The following EHMT1 variants were observed in gnomAD, a reference collection of about 807,000 sequenced individuals.
EHMT1 encodes the protein histone-lysine N-methyltransferase EHMT1.
A neutral mutation model predicts 147.2 loss-of-function variants in EHMT1; 15 were observed. The observed-to-expected ratio is 0.10, with a 90% CI of 0.07 to 0.16. The LOEUF (loss-of-function observed/expected upper bound fraction) is 0.16, where lower values mean the gene tolerates loss of function less well. EHMT1 is among the 10% of genes least tolerant of loss of function. The probability of loss-of-function intolerance (pLI) is 1.00; values close to 1 mark genes in which losing one functional copy is unlikely to be tolerated. For synonymous variants in EHMT1, 795 were observed against 709.6 expected, an observed-to-expected ratio of 1.12 and a Z score of -1.91; for missense variants, 1,587 against 1,772.4, an observed-to-expected ratio of 0.90 and a Z score of 1.88.
Position 137,835,970 on chromosome 9 carries a change from GT to G in EHMT1, c.*1025del, listed in dbSNP as rs201292825. 1.9e-3 allele frequency: 291 copies of G among 152,322 alleles called. 1 individual carries two copies. Among genetic ancestry groups the G allele is most frequent in the Middle Eastern group, 0.01 (3 of 294 alleles). The allele number at this position is 152,322 out of a possible 1,614,324, so 9.4% of individuals were successfully genotyped here. ...CTGTAATTAGTGCAGTAACAGTGGGGTTTTTTTTGTGCAACTCTTCTAAAAA... is the reference window on the plus strand; with the variant it reads ...CTGTAATTAGTGCAGTAACAGTGGGGTTTTTTTGTGCAACTCTTCTAAAAA... On this transcript the variant is annotated 3_prime_UTR_variant, in exon 27 of 27. Coordinates refer to ENST00000460843, the MANE Select transcript of EHMT1 (RefSeq NM_024757.5).
At chr9:137,741,138 G>C (rs557984877) in intron 4 of EHMT1, among the ~76,000 whole-genome samples, 1 of 152,040 alleles carries the variant, frequency 6.6e-6, no homozygotes, top group East Asian at 1.9e-4. Context: ...CACCTTGGCC[G>C]GCTAATTTTT....
intron 3 of EHMT1, among the ~76,000 whole-genome samples, chr9:137,722,234 A>G (rs908244601): frequency 5.9e-5 from 9 of 152,172 alleles, no homozygotes; most frequent in African/African-American, 9.7e-5. Context: ...TTGTCATCCT[A>G]TTACATTCCT....
intron 14 of EHMT1, among the ~76,000 whole-genome samples, chr9:137,781,825 T>C (rs2136879509): frequency 6.6e-6 from 1 of 152,364 alleles, no homozygotes; most frequent in African/African-American, 2.4e-5. Context: ...CATTTTGTCA[T>C]GGACTTCACA....
intron 1 of EHMT1, among the ~76,000 whole-genome samples, chr9:137,671,705 T>A (rs1223145737): frequency 1.3e-5 from 2 of 151,918 alleles, no homozygotes; most frequent in Non-Finnish European, 2.9e-5. Flanking sequence ...TTTGGGTATG[T>A]TTTGTAGAGA....
chr9:137,624,157 C>T (rs1393072239), intron 1 of EHMT1, among the ~76,000 whole-genome samples: 3 of 151,578 alleles, frequency 2.0e-5, no homozygotes, highest in Non-Finnish European at 4.4e-5. Flanking sequence ...TGTACCATCA[C>T]GCCCAGATAA....
chr9:137,631,519 T>TC (rs1253498220), intron 1 of EHMT1, among the ~76,000 whole-genome samples: 1 of 152,224 alleles, frequency 6.6e-6, no homozygotes, highest in Non-Finnish European at 1.5e-5. Flanking sequence ...GAATATACAG[T>TC]CATGTGGCAC....
At chr9:137,747,561 TATTTA>T (rs1236163611) in intron 6 of EHMT1, 1 of 152,252 alleles carries the variant, frequency 6.6e-6, no homozygotes, top group African/African-American at 2.4e-5. Context: ...AGAAATAGAT[TATTTA>T]AAGACCAGGA....
chr9:137,633,416 A>G (rs1355027636), intron 1 of EHMT1, among the ~76,000 whole-genome samples: 4 of 151,976 alleles, frequency 2.6e-5, no homozygotes, highest in Admixed American at 2.0e-4. Flanking sequence ...AATGTTCCCC[A>G]TCATAAAAAT....
intron 1 of EHMT1, among the ~76,000 whole-genome samples, chr9:137,693,047 G>A (rs1035641277): frequency 6.6e-6 from 1 of 152,196 alleles, no homozygotes; most frequent in African/African-American, 2.4e-5. Context: ...CACAGCAGAG[G>A]TTTTCAGCAT....
At chr9:137,817,718 A>T (rs1955033815) in intron 24 of EHMT1, 193 bp downstream of exon 24, 1 of 715,722 alleles carries the variant, frequency 1.4e-6, no homozygotes, top group Non-Finnish European at 2.4e-6. Flanking sequence ...TGCTGCCCGT[A>T]ACCAGCCCAG....
intron 25 of EHMT1, among the ~76,000 whole-genome samples, chr9:137,829,862 C>T (rs1200810339): frequency 1.3e-5 from 2 of 152,242 alleles, no homozygotes; most frequent in African/African-American, 2.4e-5. Flanking sequence ...TTATGGCCAC[C>T]TCGACTGGCC....
intron 23 of EHMT1, 153 bp from the exon 24 acceptor site, chr9:137,817,286 G>GT (rs1954995659): frequency 1.2e-6 from 1 of 825,704 alleles, no homozygotes; most frequent in Non-Finnish European, 2.0e-6. Flanking sequence ...GCGAGATGCC[G>GT]TGTCTGTGAG....
rs777427133 is a variant in EHMT1, at chr9:137,775,580, G to C, written c.1791+328G>C. On this transcript the variant is annotated intron_variant, in intron 11 of 26. Coordinates refer to ENST00000460843, the MANE Select transcript of EHMT1 (RefSeq NM_024757.5). This position sits in a 1 kb window ranked among gnomAD's most constrained non-coding sequence, Gnocchi z 6.1. ...GAAGGTGTCTAAGGCACTGGGGCTC[G>C]AGAGCAGTGGTGAGGGGCTTGTGAC... 6.6e-6 allele frequency among the ~76,000 whole-genome samples: 1 copy of C among 151,914 alleles called. No individual in the cohort carries two copies. Among genetic ancestry groups the C allele is most frequent in the African/African-American group, 2.4e-5 (1 of 41,406 alleles).
intron 10 of EHMT1, among the ~76,000 whole-genome samples, chr9:137,766,749 G>T (rs1013675577): frequency 1.3e-5 from 2 of 152,154 alleles, no homozygotes; most frequent in African/African-American, 4.8e-5. Context: ...CTTTTAGTCT[G>T]TCTCTGTCTT....
At chr9:137,703,061 T>TGG (rs1943970069) in intron 1 of EHMT1, among the ~76,000 whole-genome samples, 1 of 152,226 alleles carries the variant, frequency 6.6e-6, no homozygotes, top group Admixed American at 6.5e-5. Flanking sequence ...TTGCACCCTT[T>TGG]GGGTCAGTGT....
chr9:137,661,397 A>C (rs1939060921), intron 1 of EHMT1, among the ~76,000 whole-genome samples: 1 of 151,808 alleles, frequency 6.6e-6, no homozygotes, highest in Non-Finnish European at 1.5e-5. Context: ...TTTTTATTGG[A>C]GTAAGGAAAT....
At chr9:137,688,732 T>C (rs1161449176) in intron 1 of EHMT1, among the ~76,000 whole-genome samples, 1 of 152,244 alleles carries the variant, frequency 6.6e-6, no homozygotes, top group Non-Finnish European at 1.5e-5. Context: ...TTGTGTATTC[T>C]CATGCACACG....
rs1228486062 is a variant in EHMT1 at position 137,835,221 on chromosome 9, G to A, written c.*268G>A. 5.5e-6 allele frequency: 2 copies of A among 364,418 alleles called. No individual in the cohort carries two copies. Among genetic ancestry groups the A allele is most frequent in the East Asian group, 4.7e-5 (1 of 21,352 alleles). 22.6% of individuals were successfully genotyped at this position (364,418 alleles called of 1,614,324 possible). On this transcript the variant is annotated 3_prime_UTR_variant, in exon 27 of 27. Coordinates refer to ENST00000460843, the MANE Select transcript of EHMT1 (RefSeq NM_024757.5). The stretch of plus-strand genomic sequence containing the variant: ...CGCGCGCCAGAGACGCTGGGAGTCC[G>A]CACTGGCATCACCTTCTGAGTTTCT...
intron 1 of EHMT1, among the ~76,000 whole-genome samples, chr9:137,624,178 T>C (rs967606163): frequency 3.9e-5 from 6 of 151,964 alleles, no homozygotes; most frequent in Non-Finnish European, 8.8e-5. Context: ...TTTTTTTGTA[T>C]TTTTAGTAGA....
Sources: gnomAD v4.1 joint callset for allele counts (sites outside exome capture counted in the v4.1 genomes callset) on GRCh38, gnomAD v4.1.1 for gene constraint, Gnocchi (gnomAD v3.1) non-coding constraint, MANE v1.5 for transcripts, NCBI Gene and HGNC (gene_info 2026-07-23, HGNC 2026-07-21) for gene names.